COX15: variants seen among roughly 807,000 people sequenced by gnomAD.
COX15 encodes heme A synthase COX15.
In COX15, 51 loss-of-function variants were observed where a neutral mutation model predicts 51.9. The observed-to-expected ratio is 0.98, with a 90% CI of 0.78 to 1.24. The LOEUF (loss-of-function observed/expected upper bound fraction) is 1.24, where lower values mean the gene tolerates loss of function less well. Among genes scored for constraint, COX15 ranks in the 50% most tolerant of loss-of-function variants. The probability of loss-of-function intolerance (pLI) is 0.00; values close to 1 mark genes in which losing one functional copy is unlikely to be tolerated. For missense variants in COX15, 420 were observed against 501.1 expected (o/e 0.84, Z 1.55); for synonymous variants, 188 against 190.5 (o/e 0.99, Z 0.11).
chr10:99,704,474 C>G, the COX15 span: 1 of 1,614,194 alleles, frequency 6.2e-7, no homozygotes, highest in African/African-American at 1.3e-5. Context: ...GGAAGGTGTC[C>G]GACAAGCCCA....
In COX15 at chr10:99,727,019, G is replaced by A. The variant is rs2036976579; in HGVS notation, c.531C>T (p.Ser177=). ...CAAGAACACGTCCTTTCATGCCACG[G>A]CTGAGCCAGCCCTTTCTCCAAAAGT... The part of the protein sequence containing the change: ...AAYFWRKGWL[S]RGMKGRVLAL... Residue 177 remains serine (S), a synonymous_variant, in exon 4 of 9, where the codon AGC becomes AGT. Coordinates refer to ENST00000016171, the MANE Select transcript of COX15 (RefSeq NM_078470.6). 1 of 1,614,166 alleles carries A rather than the reference G, an allele frequency of 6.2e-7. No homozygotes were observed. Among genetic ancestry groups the A allele is most frequent in the Admixed American group, 1.7e-5 (1 of 60,022 alleles).
At chr10:99,715,986 CTTTTTT>C (rs35354032) in intron 8 of COX15, among the ~76,000 whole-genome samples, 1 of 130,196 alleles carries the variant, frequency 7.7e-6, no homozygotes, top group African/African-American at 2.9e-5. Flanking sequence ...GTCACCTTTC[CTTTTTT>C]TTTTTTTTTT....
chr10:99,698,500 T>G, the COX15 span: 1 of 1,557,132 alleles, frequency 6.4e-7, no homozygotes, highest in Non-Finnish European at 8.8e-7. Flanking sequence ...GCATGACGTG[T>G]TTGTTTGTTT....
At chr10:99,707,936 A>C (rs1252556054), downstream of COX15, among the ~76,000 whole-genome samples, 1 of 152,184 alleles carries the variant, frequency 6.6e-6, no homozygotes, top group African/African-American at 2.4e-5. Flanking sequence ...CAGGGGGTAC[A>C]AGTGCAGGTT....
At chr10:99,694,418 T>C in the COX15 span, among the ~76,000 whole-genome samples, 103 of 152,332 alleles carry the variant, frequency 6.8e-4, no homozygotes, top group Middle Eastern at 3.4e-3. Context: ...AACCATGCTG[T>C]ATTTTGTTTA....
At chr10:99,725,151 A>G (rs1326827166) in intron 4 of COX15, among the ~76,000 whole-genome samples, 1 of 152,224 alleles carries the variant, frequency 6.6e-6, no homozygotes. Context: ...TTCCAATCAT[A>G]TGAAATAAGA....
downstream of COX15, chr10:99,708,930 C>T: frequency 1.0e-6 from 1 of 985,374 alleles, no homozygotes; most frequent in Non-Finnish European, 1.2e-6. Context: ...TAACCATGCC[C>T]CATCTTTACA....
chr10:99,704,679 C>T, the COX15 span: 80 of 1,612,634 alleles, frequency 5.0e-5, no homozygotes, highest in South Asian at 8.0e-4. Flanking sequence ...CAGGTGGGGC[C>T]GTGAGGCTGG....
At chr10:99,696,210 T>G in the COX15 span, 1 of 1,473,930 alleles carries the variant, frequency 6.8e-7, no homozygotes, top group South Asian at 1.3e-5. Context: ...CTAAGACAGA[T>G]AAGTCCCTGC....
chr10:99,720,944 G>C, intron 6 of COX15, 43 bp downstream of exon 6: 1 of 1,502,166 alleles, frequency 6.7e-7, no homozygotes, highest in Non-Finnish European at 9.3e-7. Context: ...TCCCAGCTTA[G>C]AGTGCAATGC....
chr10:99,723,760 G>A (rs2133605591), intron 5 of COX15, among the ~76,000 whole-genome samples, 196 bp downstream of exon 5: 1 of 152,302 alleles, frequency 6.6e-6, no homozygotes, highest in South Asian at 2.1e-4. Context: ...CTAGGAGTCA[G>A]AGGTAAAGCG....
Position 99,712,724 on chromosome 10 carries a change from G to A in COX15, c.*1863C>T. On this transcript the variant is annotated 3_prime_UTR_variant, in exon 9 of 9. Transcript: ENST00000016171. ...AACTCAGCAGTATAGTCCGAGCTGG[G>A]GCACCTGCTCGCCAGTGTTACTGTC... The A allele has an allele frequency of 1.7e-6, 1 of 578,002 alleles. No homozygotes were observed. The highest frequency in any genetic ancestry group is 1.4e-4 in the East Asian group (1 of 6,998). The allele number at this position is 578,002 out of a possible 1,614,324, so 35.8% of individuals were successfully genotyped here.
downstream of COX15, chr10:99,709,762 T>C (rs1033966106): frequency 1.3e-5 from 13 of 985,214 alleles, no homozygotes; most frequent in East Asian, 1.1e-4. Context: ...TATATCCTAA[T>C]AGACTTCTCT....
rs2133595005 is a variant in COX15 at position 99,720,882 on chromosome 10, GA to G, written c.832+104del. Reference sequence around the variant, plus strand: ...ATGGGGGAATGAGAGAAACAGATGTGAAAAGGAAATATAAAGATGCAGGAGG... The same window carrying G: ...ATGGGGGAATGAGAGAAACAGATGTGAAAGGAAATATAAAGATGCAGGAGG... On this transcript the variant is annotated intron_variant, in intron 6 of 8. Transcript: ENST00000016171. The G allele has an allele frequency of 9.2e-6, 8 of 873,096 alleles. No homozygotes were observed. The Middle Eastern group carries it at 6.5e-4, about 71-fold the overall frequency. 54.1% of individuals were successfully genotyped at this position (873,096 alleles called of 1,614,324 possible).
At position 99,711,363 on chromosome 10, in the gene COX15, G is replaced by A. The variant is rs933240513; in HGVS notation, c.*3224C>T. 1.3e-5 allele frequency: 13 copies of A among 985,290 alleles called. No individual in the cohort carries two copies. The highest frequency in any genetic ancestry group is 7.0e-5 in the African/African-American group (4 of 57,224). The allele number at this position is 985,290 out of a possible 1,614,324, so 61.0% of individuals were successfully genotyped here. On this transcript the variant is annotated 3_prime_UTR_variant, in exon 9 of 9. Transcript: ENST00000016171. ...CTAACTAAGGACAACCTGGGTTTGA[G>A]GATCAGGAGAGGATGGTGTGGGAAC...
At chr10:99,726,942 G>A (rs752498604) in intron 4 of COX15, 26 bp downstream of exon 4, 1 of 1,602,604 alleles carries the variant, frequency 6.2e-7, no homozygotes, top group South Asian at 1.1e-5. Flanking sequence ...AGCATTTCTG[G>A]TTTCTCAACC....
chr10:99,708,521 A>G (rs748303676), downstream of COX15, among the ~76,000 whole-genome samples: 1 of 152,172 alleles, frequency 6.6e-6, no homozygotes, highest in Non-Finnish European at 1.5e-5. Context: ...GTTCTCATCT[A>G]TCAAACAAAG....
At chr10:99,703,701 GA>G in the COX15 span, among the ~76,000 whole-genome samples, 1 of 152,030 alleles carries the variant, frequency 6.6e-6, no homozygotes, top group South Asian at 2.1e-4. Context: ...AGATCCTAAG[GA>G]AACATAGTAC....
At chr10:99,700,414 ATGTGTGTG>A in the COX15 span, among the ~76,000 whole-genome samples, 1 of 9,792 alleles carries the variant, frequency 1.0e-4, no homozygotes, top group Non-Finnish European at 2.7e-4. Flanking sequence ...GTGTGTGTGT[ATGTGTGTG>A]TGTGTGTGTG....
Sources: allele counts gnomAD v4.1 joint callset (sites outside exome capture counted in the v4.1 genomes callset), GRCh38; gene constraint gnomAD v4.1.1; transcripts MANE v1.5; gene names NCBI Gene and HGNC (gene_info 2026-07-23, HGNC 2026-07-21).